Variants in RSBN1L observed in about 807,000 individuals in gnomAD.
RSBN1L encodes the protein round spermatid basic protein 1 like.
A neutral mutation model predicts 67.7 loss-of-function variants in RSBN1L; 30 were observed. The observed-to-expected ratio is 0.44, with a 90% CI of 0.33 to 0.60. The LOEUF is 0.60. RSBN1L is among the 20% of genes least tolerant of loss of function. RSBN1L has a pLI of 0.02. For missense variants in RSBN1L, 992 were observed against 1,031.7 expected (o/e 0.96, Z 0.53); for synonymous variants, 433 against 387.0 (o/e 1.12, Z -1.39).
intron 1 of RSBN1L, among the ~76,000 whole-genome samples, chr7:77,735,149 A>G (rs942774346): frequency 3.9e-5 from 6 of 152,048 alleles, no homozygotes; most frequent in Non-Finnish European, 8.8e-5. Context: ...AAAAATGTTT[A>G]TTAGCACATG....
intron 2 of RSBN1L, among the ~76,000 whole-genome samples, chr7:77,742,077 C>T (rs1222452384): frequency 6.6e-6 from 1 of 151,402 alleles, no homozygotes; most frequent in Non-Finnish European, 1.5e-5. Context: ...CAGCTCTTAT[C>T]CCAGCATTTT....
intron 4 of RSBN1L, among the ~76,000 whole-genome samples, chr7:77,767,948 TC>T (rs1341473217): frequency 6.8e-6 from 1 of 146,124 alleles, no homozygotes; most frequent in African/African-American, 2.6e-5. Flanking sequence ...CCTCCGAGGT[TC>T]AAGCGATTCT....
rs773370306 is a variant in RSBN1L, at chr7:77,780,554, A to G, written c.*1386A>G. 1 of 152,246 alleles carries G rather than the reference A, an allele frequency of 6.6e-6. No homozygotes were observed. Among genetic ancestry groups the G allele is most frequent in the Non-Finnish European group, 1.5e-5 (1 of 68,048 alleles). The allele number at this position is 152,246 out of a possible 1,614,324, so 9.4% of individuals were successfully genotyped here. A position where few individuals can be genotyped will look rare whatever the true frequency, so the allele number is the denominator to read the frequency against. On this transcript the variant is annotated 3_prime_UTR_variant, in exon 8 of 8. Coordinates refer to ENST00000334955, the MANE Select transcript of RSBN1L (RefSeq NM_198467.3). ...TTTAGTTACAGAAAGCTTGTGAGCA[A>G]TTAAAATCCTTTTACATTTTTCTTG...
chr7:77,764,220 G>A (rs919552899), intron 3 of RSBN1L, among the ~76,000 whole-genome samples: 1 of 152,170 alleles, frequency 6.6e-6, no homozygotes, highest in African/African-American at 2.4e-5. Flanking sequence ...TAAATTTGTT[G>A]TCCACAAAGG....
At chr7:77,766,922 A>G (rs1015194816) in intron 4 of RSBN1L, among the ~76,000 whole-genome samples, 8 of 152,170 alleles carry the variant, frequency 5.3e-5, no homozygotes, top group African/African-American at 1.7e-4. Flanking sequence ...TTATTGGACT[A>G]TATTTAAAAA....
At chr7:77,762,342 A>T (rs918670496) in intron 3 of RSBN1L, among the ~76,000 whole-genome samples, 1 of 152,162 alleles carries the variant, frequency 6.6e-6, no homozygotes, top group African/African-American at 2.4e-5. Context: ...GCCTCTTCTT[A>T]GGTAGTGCCC....
intron 1 of RSBN1L, among the ~76,000 whole-genome samples, chr7:77,708,671 C>G (rs1031492627): frequency 3.3e-5 from 5 of 151,828 alleles, no homozygotes; most frequent in Non-Finnish European, 7.4e-5. Context: ...CGTGAGCCAC[C>G]GCGCCCAGCC....
In RSBN1L at chr7:77,720,420, C is replaced by T. The variant is rs1345864498; in HGVS notation, c.587-15990C>T. Among the ~76,000 whole-genome samples the T allele has an allele frequency of 2.6e-5, 4 of 152,016 alleles. No individual in the cohort carries two copies. In the East Asian group the frequency reaches 5.8e-4, roughly 22 times the overall value. On this transcript the variant is annotated intron_variant, in intron 1 of 7. Transcript: ENST00000334955. Reference sequence around the variant, plus strand: ...TACTAAAAATACAAAATTAGCTGGGCGTGGTGCTGCATGCCCGTAATCCCA... The same window carrying T: ...TACTAAAAATACAAAATTAGCTGGGTGTGGTGCTGCATGCCCGTAATCCCA...
chr7:77,737,024 C>CT (rs965023053), intron 2 of RSBN1L, among the ~76,000 whole-genome samples: 25 of 150,766 alleles, frequency 1.7e-4, no homozygotes, highest in African/African-American at 5.4e-4. Flanking sequence ...TTGTTTTATT[C>CT]TTTTTTTTCT....
At chr7:77,761,891 A>G (rs1584300354) in intron 3 of RSBN1L, among the ~76,000 whole-genome samples, 1 of 152,188 alleles carries the variant, frequency 6.6e-6, no homozygotes, top group East Asian at 1.9e-4. Flanking sequence ...GTCTAAGTTT[A>G]AATATGTTTA....
intron 1 of RSBN1L, among the ~76,000 whole-genome samples, chr7:77,718,997 C>T (rs1265239174): frequency 6.6e-6 from 1 of 152,170 alleles, no homozygotes; most frequent in Non-Finnish European, 1.5e-5. Context: ...GTTTCAGGAC[C>T]ATTCCACATG....
At chr7:77,754,281 A>G (rs1271204649) in intron 3 of RSBN1L, among the ~76,000 whole-genome samples, 4 of 152,158 alleles carry the variant, frequency 2.6e-5, no homozygotes, top group Non-Finnish European at 5.9e-5. Context: ...ACATTTCCAC[A>G]TAAACTTTCG....
chr7:77,746,960 T>C (rs541641555), intron 2 of RSBN1L, among the ~76,000 whole-genome samples: 79 of 152,248 alleles, frequency 5.2e-4, no homozygotes, highest in African/African-American at 1.8e-3. Flanking sequence ...CCTGTGGCTG[T>C]GTAGGGTTCA....
At chr7:77,739,734 TG>T (rs1791383429) in intron 2 of RSBN1L, among the ~76,000 whole-genome samples, 1 of 72,950 alleles carries the variant, frequency 1.4e-5, no homozygotes, top group Non-Finnish European at 2.6e-5. Context: ...AAAAAAAAAA[TG>T]TGTCTTTTTT....
Position 77,768,677 on chromosome 7 carries a change from G to T in RSBN1L, c.1499G>T (p.Gly500Val). 6.2e-7 allele frequency: 1 copy of T among 1,613,624 alleles called. No homozygotes were observed. The change falls in exon 5 of 8, where the codon GGG (glycine) becomes GTG (valine). Residue 500 changes from glycine (G) to valine (V), a missense_variant. By Grantham distance (109) the Gly-to-Val change is moderately radical (BLOSUM62 -3). Transcript: ENST00000334955. ...SPFLKCTLPW[G>V]TLSSLKLQSR... is the part of the protein sequence containing the mutation. Reference sequence around the variant, plus strand: ...TATCTCCAGTGTACACTGCCATGGGGGACGCTATCTAGTCTAAAATTACAG... The same window carrying T: ...TATCTCCAGTGTACACTGCCATGGGTGACGCTATCTAGTCTAAAATTACAG...
chr7:77,728,795 G>A (rs141607079), intron 1 of RSBN1L, among the ~76,000 whole-genome samples: 4 of 152,224 alleles, frequency 2.6e-5, no homozygotes, highest in East Asian at 1.9e-4. Context: ...GGGGTGCCTC[G>A]CATATTTGGG....
chr7:77,697,030 C>G lies in RSBN1L; in HGVS notation c.561C>G (p.Asn187Lys). Residue 187 changes from asparagine to lysine, a missense_variant, in exon 1 of 8, where the codon AAC becomes AAG. By Grantham distance (94) the Asn-to-Lys change is moderately conservative (BLOSUM62 0). Coordinates refer to ENST00000334955, the MANE Select transcript of RSBN1L (RefSeq NM_198467.3). ...REAGGASREE[N>K]GEVKPLPRDK... ...CCGGCGGGGCCTCCCGGGAGGAGAACGGGGAGGTGAAGCCGCTGCCCCGAG... is the reference window on the plus strand; with the variant it reads ...CCGGCGGGGCCTCCCGGGAGGAGAAGGGGGAGGTGAAGCCGCTGCCCCGAG... The G allele has an allele frequency of 1.3e-6, 2 of 1,512,804 alleles. No homozygotes were observed. The highest frequency in any genetic ancestry group is 1.8e-6 in the Non-Finnish European group (2 of 1,134,746). 93.7% of individuals were successfully genotyped at this position (1,512,804 alleles called of 1,614,324 possible).
intron 1 of RSBN1L, among the ~76,000 whole-genome samples, chr7:77,734,653 T>C (rs767383868): frequency 2.0e-5 from 3 of 152,126 alleles, no homozygotes; most frequent in Admixed American, 6.5e-5. Context: ...CACATCCGGC[T>C]AATTTTTGTA....
chr7:77,736,470 ATAAAG>A lies in RSBN1L; in HGVS notation c.651_655del (p.Lys217AsnfsTer3). On this transcript the variant is annotated frameshift_variant, in exon 2 of 8. Transcript: ENST00000334955. LOFTEE classifies it high-confidence loss of function. ...GAAAAAGAAAGAGAAAAAAAGAAACATAAAGTAATGAATGAGATCAAGAAAGAGAA... is the reference window on the plus strand; with the variant it reads ...GAAAAAGAAAGAGAAAAAAAGAAACATAATGAATGAGATCAAGAAAGAGAA... 1.6e-6 allele frequency: 2 copies of A among 1,220,920 alleles called. No homozygotes were observed. Among genetic ancestry groups the A allele is most frequent in the Non-Finnish European group, 2.3e-6 (2 of 873,346 alleles). The allele number at this position is 1,220,920 out of a possible 1,614,324, so 75.6% of individuals were successfully genotyped here.
Sources: gnomAD v4.1 joint callset for allele counts (sites outside exome capture counted in the v4.1 genomes callset) on GRCh38, gnomAD v4.1.1 for gene constraint, MANE v1.5 for transcripts, NCBI Gene and HGNC (gene_info 2026-07-23, HGNC 2026-07-21) for gene names.